Variants in MBD5 observed in about 807,000 individuals in gnomAD.
The protein encoded by MBD5 is methyl-CpG-binding domain protein 5.
Under a neutral mutation model 117.3 loss-of-function variants are expected in MBD5, and 13 were observed. The observed-to-expected ratio is 0.11, with a 90% confidence interval of 0.07 to 0.18. The LOEUF is 0.18. Among genes scored for constraint, MBD5 ranks in the 10% least tolerant of loss-of-function variants. MBD5 has a pLI of 1.00. For synonymous variants in MBD5, 727 were observed against 766.4 expected (o/e 0.95, Z 0.85); for missense variants, 1,879 against 2,093.8 (o/e 0.90, Z 2.00).
Position 148,469,058 on chromosome 2 carries a change from A to C in MBD5, c.1115A>C (p.Asn372Thr). 2 of 1,614,036 alleles carry C rather than the reference A, an allele frequency of 1.2e-6. No homozygotes were observed. Among genetic ancestry groups the C allele is most frequent in the Non-Finnish European group, 1.7e-6 (2 of 1,179,970 alleles). ...DPIPSKPVNQ[N>T]PVIINPTSFH... ...ATTCCTAGTAAACCAGTGAATCAGA[A>C]CCCTGTTATCATTAATCCAACCAGT... Residue 372 changes from asparagine (N) to threonine (T), a missense_variant, in exon 8 of 14, where the codon AAC becomes ACC. Asn to Thr is a moderately conservative substitution (Grantham distance 65). Around this residue, in one of 4 missense-constraint regions of MBD5, gnomAD observed 1,666 missense variants for 1,792.2 expected, o/e 0.93. Coordinates refer to ENST00000642680, the MANE Select transcript of MBD5 (RefSeq NM_001378120.1).
intron 3 of MBD5, among the ~76,000 whole-genome samples, chr2:148,315,782 T>C (rs950484134): frequency 3.3e-5 from 5 of 152,210 alleles, no homozygotes; most frequent in Non-Finnish European, 5.9e-5. Context: ...CCATGTATCT[T>C]TACTTTTGTC....
intron 2 of MBD5, among the ~76,000 whole-genome samples, chr2:148,189,167 A>G (rs1403962199): frequency 6.8e-6 from 1 of 146,996 alleles, no homozygotes; most frequent in African/African-American, 2.6e-5. Context: ...CAAGGCGGCA[A>G]CGAGGCTGGG....
rs142581262 is a variant in MBD5 at position 148,100,113 on chromosome 2, G to A, written c.-925+78429G>A. Among the ~76,000 whole-genome samples the A allele has an allele frequency of 6.6e-4, 100 of 152,174 alleles. No individual in the cohort carries two copies. The East Asian group carries it at 0.017, about 25-fold the overall frequency. ...ATCTTCTAGGAGAATGTGACATTTCGAGTGAGACCTAAGATCTTTAAGGAG... is the reference window on the plus strand; with the variant it reads ...ATCTTCTAGGAGAATGTGACATTTCAAGTGAGACCTAAGATCTTTAAGGAG... On this transcript the variant is annotated intron_variant, in intron 1 of 13. Transcript: ENST00000642680.
chr2:148,431,633 G>A (rs1705988068), intron 4 of MBD5, among the ~76,000 whole-genome samples: 1 of 152,218 alleles, frequency 6.6e-6, no homozygotes. Context: ...GTGAGAACAT[G>A]TAGCATTTGG....
intron 1 of MBD5, among the ~76,000 whole-genome samples, chr2:148,103,776 G>A: frequency 6.6e-6 from 1 of 152,022 alleles, no homozygotes; most frequent in Non-Finnish European, 1.5e-5. Flanking sequence ...AATCTCTGAA[G>A]TTTTATTTCA....
At chr2:148,275,920 A>T (rs764217167) in intron 3 of MBD5, among the ~76,000 whole-genome samples, 3 of 151,970 alleles carry the variant, frequency 2.0e-5, no homozygotes, top group Non-Finnish European at 2.9e-5. Flanking sequence ...ATATTTTCTG[A>T]TTTTATATTT....
At position 148,383,203 on chromosome 2, in the gene MBD5, C is replaced by T. The variant is rs556804177; in HGVS notation, c.-557+40867C>T. 4.2e-4 allele frequency among the ~76,000 whole-genome samples: 63 copies of T among 151,744 alleles called. No individual in the cohort carries two copies. The South Asian group carries it at 0.012, about 28-fold the overall frequency. On this transcript the variant is annotated intron_variant, in intron 4 of 13. Transcript: ENST00000642680. ...GAAAAGATCACCAAAATTGATAGAC[C>T]GCTAGCAAGACTAATAAAGAAGAAG...
intron 4 of MBD5, chr2:148,447,722 A>G (rs1250835465): frequency 6.6e-6 from 1 of 152,136 alleles, no homozygotes; most frequent in African/African-American, 2.4e-5. Context: ...TAGTGTTACC[A>G]TATTGTCCAG....
chr2:148,375,633 G>C (rs1703968221), intron 4 of MBD5, among the ~76,000 whole-genome samples: 1 of 152,128 alleles, frequency 6.6e-6, no homozygotes, highest in South Asian at 2.1e-4. Flanking sequence ...TCTGCCTTAA[G>C]AAGATTGAAG....
rs553139880 is a variant in MBD5, at chr2:148,459,847, C to T, written c.113+976C>T. Among the ~76,000 whole-genome samples the T allele has an allele frequency of 1.2e-4, 18 of 152,162 alleles. No individual in the cohort carries two copies. The East Asian group carries it at 2.9e-3, about 24-fold the overall frequency. ...GTTTGTTTGCTTGTTGTGTGTAAGG[C>T]GTTTCTGGAGGTAAATCTAATTACC... On this transcript the variant is annotated intron_variant, in intron 5 of 13. Transcript: ENST00000642680.
chr2:148,386,427 AC>A (rs1168812665), intron 4 of MBD5, among the ~76,000 whole-genome samples: 1 of 152,198 alleles, frequency 6.6e-6, no homozygotes, highest in Admixed American at 6.5e-5. Context: ...ATAAGAAGAT[AC>A]TTTATGCCGG....
At chr2:148,040,861 G>T (rs1171141707) in intron 1 of MBD5, among the ~76,000 whole-genome samples, 1 of 152,072 alleles carries the variant, frequency 6.6e-6, no homozygotes, top group Non-Finnish European at 1.5e-5. Flanking sequence ...GAGGGTGGAG[G>T]CCCTGGTATT....
intron 4 of MBD5, among the ~76,000 whole-genome samples, chr2:148,411,931 C>A (rs1331106283): frequency 1.3e-5 from 2 of 152,068 alleles, no homozygotes; most frequent in Non-Finnish European, 2.9e-5. Context: ...GGGCCTATGT[C>A]TAGAACGATA....
chr2:148,078,696 C>A (rs1341912573), intron 1 of MBD5, among the ~76,000 whole-genome samples: 1 of 152,182 alleles, frequency 6.6e-6, no homozygotes, highest in Admixed American at 6.5e-5. Flanking sequence ...ATTGGAACAT[C>A]TAACATATAT....
chr2:148,502,494 G>C lies in MBD5; in HGVS notation c.5021G>C (p.Arg1674Pro), dbSNP rs750291645. ...GGTTTGGAAGCCTACAGCCGTGTCC[G>C]GAAAAGGAACAGAAAGTAAGCACTT... ...TEGLEAYSRV[R>P]KRNRKSGKLN... The change falls in exon 12 of 14, where the codon CGG becomes CCG. Residue 1674 changes from arginine (R) to proline (P), a missense_variant. Coordinates refer to ENST00000642680, the MANE Select transcript of MBD5 (RefSeq NM_001378120.1). 1.2e-6 allele frequency: 2 copies of C among 1,614,064 alleles called. No individual in the cohort carries two copies. The highest frequency in any genetic ancestry group is 1.7e-4 in the Middle Eastern group (1 of 6,060).
At chr2:148,495,865 A>G (rs1681685831) in intron 11 of MBD5, among the ~76,000 whole-genome samples, 1 of 152,234 alleles carries the variant, frequency 6.6e-6, no homozygotes, top group Non-Finnish European at 1.5e-5. Flanking sequence ...TCAGTTCAGC[A>G]TCACACACAC....
At chr2:148,299,869 G>C (rs982167039) in intron 3 of MBD5, among the ~76,000 whole-genome samples, 3 of 152,106 alleles carry the variant, frequency 2.0e-5, no homozygotes, top group African/African-American at 7.2e-5. Flanking sequence ...CCTCATCTCT[G>C]ATCTCCCTGA....
intron 4 of MBD5, among the ~76,000 whole-genome samples, chr2:148,439,054 A>G (rs766271834): frequency 2.2e-4 from 34 of 152,146 alleles, no homozygotes; most frequent in Non-Finnish European, 3.7e-4. Context: ...CCCTTAAACC[A>G]CACTTAATTT....
At chr2:148,134,296 A>T (rs1697122308) in intron 1 of MBD5, among the ~76,000 whole-genome samples, 1 of 152,200 alleles carries the variant, frequency 6.6e-6, no homozygotes, top group Non-Finnish European at 1.5e-5. Flanking sequence ...CCATATATAC[A>T]TATATGTTGA....
Sources: gnomAD v4.1 joint callset for allele counts (sites outside exome capture counted in the v4.1 genomes callset) on GRCh38, gnomAD v4.1.1 for gene constraint, gnomAD v4.1.1 regional missense constraint, MANE v1.5 for transcripts, NCBI Gene and HGNC (gene_info 2026-07-23, HGNC 2026-07-21) for gene names.